The following KIAA1958 variants were observed in gnomAD, a reference collection of about 807,000 sequenced individuals.
KIAA1958 encodes KIAA1958.
A neutral mutation model predicts 47.2 loss-of-function variants in KIAA1958; 14 were observed. That is an observed-to-expected ratio of 0.30 (90% confidence interval 0.20 to 0.46). KIAA1958 has a LOEUF of 0.46. Ranked by LOEUF, KIAA1958 falls within the 20% of genes least tolerant of loss-of-function variation. The probability of loss-of-function intolerance (pLI) is 1.00; values close to 1 mark genes in which losing one functional copy is unlikely to be tolerated. For missense variants in KIAA1958, 803 were observed against 909.2 expected (o/e 0.88, Z 1.50); for synonymous variants, 354 against 353.3 (o/e 1.00, Z -0.02).
chr9:112,605,248 A>C (rs1333529245), intron 2 of KIAA1958, among the ~76,000 whole-genome samples: 2 of 151,994 alleles, frequency 1.3e-5, no homozygotes, highest in African/African-American at 4.8e-5. Context: ...CTGGTTCTTT[A>C]ATATTTAGAT....
intron 2 of KIAA1958, among the ~76,000 whole-genome samples, chr9:112,584,336 A>G (rs192371631): frequency 9.2e-5 from 14 of 152,342 alleles, no homozygotes; most frequent in African/African-American, 3.1e-4. Flanking sequence ...GTTCATGGTA[A>G]ACATACTCTA....
At position 112,660,157 on chromosome 9, in the gene KIAA1958, A is replaced by G; in HGVS notation, c.*88A>G. On this transcript the variant is annotated 3_prime_UTR_variant, in exon 4 of 4. Transcript: ENST00000337530. ...TGGAGCTCCTTGGAGGCAGGGGCTGACCAGGTGTGACCTCCCGGTCTGGCG... is the reference window on the plus strand; with the variant it reads ...TGGAGCTCCTTGGAGGCAGGGGCTGGCCAGGTGTGACCTCCCGGTCTGGCG... 1 of 1,100,408 alleles carries G rather than the reference A, an allele frequency of 9.1e-7. No individual in the cohort carries two copies. Among genetic ancestry groups the G allele is most frequent in the Non-Finnish European group, 1.3e-6 (1 of 755,704 alleles). 68.2% of individuals were successfully genotyped at this position (1,100,408 alleles called of 1,614,324 possible).
intron 1 of KIAA1958, among the ~76,000 whole-genome samples, chr9:112,553,874 T>G (rs759317191): frequency 4.6e-5 from 7 of 152,212 alleles, no homozygotes; most frequent in Non-Finnish European, 8.8e-5. Context: ...TCACAAGGCC[T>G]GATAAGTGTT....
chr9:112,649,878 A>G (rs1037506625), intron 3 of KIAA1958, among the ~76,000 whole-genome samples: 1 of 152,196 alleles, frequency 6.6e-6, no homozygotes, highest in African/African-American at 2.4e-5. Flanking sequence ...AAGGAAAATG[A>G]TACCACATGG....
intron 2 of KIAA1958, among the ~76,000 whole-genome samples, chr9:112,625,002 C>G (rs1362478296): frequency 1.7e-5 from 2 of 118,300 alleles, no homozygotes; most frequent in African/African-American, 6.8e-5. Context: ...CAAACAAATT[C>G]CCCAGAGGTC....
At position 112,543,212 on chromosome 9, in the gene KIAA1958, T is replaced by A. The variant is rs1588010192; in HGVS notation, c.-24-30845T>A. On this transcript the variant is annotated intron_variant, in intron 1 of 3. Coordinates refer to ENST00000337530, the MANE Select transcript of KIAA1958 (RefSeq NM_133465.4). ...TAACAACCCAAATTTCTTAGCCTAT[T>A]TGTTTTTGTTGTTGTTGTTTGTTTG... Among the ~76,000 whole-genome samples, 8 of 113,314 alleles carry A rather than the reference T, an allele frequency of 7.1e-5. No homozygotes were observed. In the South Asian group the frequency reaches 3.0e-3, roughly 42 times the overall value. The allele number at this position is 113,314 out of a possible 152,430, so 74.3% of individuals were successfully genotyped here.
intron 2 of KIAA1958, among the ~76,000 whole-genome samples, chr9:112,606,252 CTGGGTACAGATGTTGATTAGGCTTT>C (rs1836232388): frequency 6.6e-6 from 1 of 152,098 alleles, no homozygotes; most frequent in Non-Finnish European, 1.5e-5. Context: ...CATCTTAGGT[CTGGGTACAGATGTTGATTAGGCTTT>C]TGGGTACATA....
chr9:112,614,826 T>G (rs1262416179), intron 2 of KIAA1958, among the ~76,000 whole-genome samples: 1 of 152,186 alleles, frequency 6.6e-6, no homozygotes, highest in Non-Finnish European at 1.5e-5. Flanking sequence ...TATGTTAGCA[T>G]GGTGCTGAAA....
chr9:112,632,708 A>G (rs1484789169), intron 2 of KIAA1958, among the ~76,000 whole-genome samples: 2 of 151,810 alleles, frequency 1.3e-5, no homozygotes, highest in African/African-American at 2.4e-5. Flanking sequence ...GGAGCTTTTC[A>G]TATGTCCTTG....
intron 3 of KIAA1958, among the ~76,000 whole-genome samples, chr9:112,653,897 C>G (rs987192499): frequency 7.2e-5 from 11 of 152,188 alleles, no homozygotes; most frequent in African/African-American, 2.6e-4. Context: ...GAGACTCTGT[C>G]TTAAAAAAGA....
At chr9:112,534,120 A>G (rs1834812366) in intron 1 of KIAA1958, among the ~76,000 whole-genome samples, 2 of 152,196 alleles carry the variant, frequency 1.3e-5, no homozygotes, top group Non-Finnish European at 2.9e-5. Context: ...CCTCATCTGT[A>G]AAGTGGGGAA....
intron 1 of KIAA1958, among the ~76,000 whole-genome samples, chr9:112,507,613 T>G (rs1372083036): frequency 6.6e-6 from 1 of 152,196 alleles, no homozygotes; most frequent in East Asian, 1.9e-4. Context: ...ACTCCCAAAG[T>G]GCTGGGATTA....
At chr9:112,644,248 T>G (rs1836940642) in intron 2 of KIAA1958, among the ~76,000 whole-genome samples, 1 of 149,574 alleles carries the variant, frequency 6.7e-6, no homozygotes, top group Admixed American at 6.7e-5. Flanking sequence ...ATGGGGAAGG[T>G]GTAGTGTGGG....
In KIAA1958 at chr9:112,660,180, G is replaced by C; in HGVS notation, c.*111G>C. On this transcript the variant is annotated 3_prime_UTR_variant, in exon 4 of 4. Transcript: ENST00000337530. ...TGACCAGGTGTGACCTCCCGGTCTG[G>C]CGGCTCTCCCCTGGTGTGGCCTGCC... 1 of 896,320 alleles carries C rather than the reference G, an allele frequency of 1.1e-6. No homozygotes were observed. The highest frequency in any genetic ancestry group is 1.7e-6 in the Non-Finnish European group (1 of 583,946). 55.5% of individuals were successfully genotyped at this position (896,320 alleles called of 1,614,324 possible).
chr9:112,644,165 G>A (rs868419741), intron 2 of KIAA1958, among the ~76,000 whole-genome samples: 9 of 149,548 alleles, frequency 6.0e-5, no homozygotes, highest in Middle Eastern at 3.4e-3. Context: ...GCAACAGAGC[G>A]AGACTCCATC....
At chr9:112,638,235 T>C (rs1836838520) in intron 2 of KIAA1958, among the ~76,000 whole-genome samples, 1 of 152,138 alleles carries the variant, frequency 6.6e-6, no homozygotes, top group Non-Finnish European at 1.5e-5. Flanking sequence ...CTGGGCACAG[T>C]GGATCACACC....
At chr9:112,543,281 G>A (rs1834974410) in intron 1 of KIAA1958, among the ~76,000 whole-genome samples, 1 of 152,076 alleles carries the variant, frequency 6.6e-6, no homozygotes, top group Admixed American at 6.6e-5. Flanking sequence ...CATTGTGGGT[G>A]CACATTTTTT....
Position 112,659,795 on chromosome 9 carries a change from A to G in KIAA1958, c.1877A>G (p.Lys626Arg). ...KIYHEHSRGH[K>R]QCPYCLLYKY... ...TACCATGAGCATTCCCGGGGACACAAACAGTGCCCTTACTGCCTCCTCTAC... is the reference window on the plus strand; with the variant it reads ...TACCATGAGCATTCCCGGGGACACAGACAGTGCCCTTACTGCCTCCTCTAC... The change falls in exon 4 of 4, where the codon AAA (lysine) becomes AGA (arginine). Residue 626 changes from lysine (K) to arginine (R), a missense_variant. Lys to Arg is a conservative substitution (Grantham distance 26). Around this residue, in one of 2 missense-constraint regions of KIAA1958, gnomAD observed 761 missense variants for 829.3 expected, o/e 0.92. Coordinates refer to ENST00000337530, the MANE Select transcript of KIAA1958 (RefSeq NM_133465.4). 1 of 1,614,170 alleles carries G rather than the reference A, an allele frequency of 6.2e-7. No homozygotes were observed. The highest frequency in any genetic ancestry group is 8.5e-7 in the Non-Finnish European group (1 of 1,180,018).
intron 1 of KIAA1958, among the ~76,000 whole-genome samples, chr9:112,541,491 C>G (rs1834942507): frequency 6.6e-6 from 1 of 152,076 alleles, no homozygotes. Context: ...TAGATGTATA[C>G]CAAATCAGTA....
Sources: gnomAD v4.1 joint callset for allele counts (sites outside exome capture counted in the v4.1 genomes callset) on GRCh38, gnomAD v4.1.1 for gene constraint, gnomAD v4.1.1 regional missense constraint, MANE v1.5 for transcripts, NCBI Gene and HGNC (gene_info 2026-07-23, HGNC 2026-07-21) for gene names.